The following EXOC4 variants were observed in gnomAD, a reference collection of about 807,000 sequenced individuals.
EXOC4 encodes the protein SEC8-like 1.
EXOC4 carries 71 observed loss-of-function variants against 107.2 expected under a neutral mutation model. The observed-to-expected ratio is 0.66, with a 90% CI of 0.55 to 0.81. The LOEUF (loss-of-function observed/expected upper bound fraction) is 0.81. EXOC4 is among the 30% of genes least tolerant of loss of function. The probability of loss-of-function intolerance (pLI) is 0.00; values close to 1 mark genes in which losing one functional copy is unlikely to be tolerated. For synonymous variants in EXOC4, 456 were observed against 441.2 expected (o/e 1.03, Z -0.42); for missense variants, 1,108 against 1,189.6 (o/e 0.93, Z 1.01).
At chr7:133,496,825 G>T (rs1285252626) in intron 9 of EXOC4, among the ~76,000 whole-genome samples, 1 of 152,054 alleles carries the variant, frequency 6.6e-6, no homozygotes, top group African/African-American at 2.4e-5. Context: ...CACTCTCGGG[G>T]TTAGTTTTTT....
At chr7:133,990,729 C>T (rs1794234647) in intron 14 of EXOC4, among the ~76,000 whole-genome samples, 1 of 152,198 alleles carries the variant, frequency 6.6e-6, no homozygotes, top group South Asian at 2.1e-4. Context: ...GCTGGGATTA[C>T]AGGCATGAGC....
chr7:133,264,381 A>G (rs746058954), intron 1 of EXOC4, among the ~76,000 whole-genome samples: 4 of 152,298 alleles, frequency 2.6e-5, no homozygotes, highest in East Asian at 3.9e-4. Context: ...TACTAAATAC[A>G]TCTCTTTGTA....
intron 7 of EXOC4, among the ~76,000 whole-genome samples, chr7:133,406,009 G>A (rs923828278): frequency 2.0e-5 from 3 of 152,220 alleles, no homozygotes; most frequent in Admixed American, 6.5e-5. Context: ...TGATCTGAAA[G>A]ATAAACTATG....
intron 7 of EXOC4, among the ~76,000 whole-genome samples, chr7:133,392,813 G>A (rs1260707579): frequency 6.6e-6 from 1 of 152,128 alleles, no homozygotes; most frequent in Non-Finnish European, 1.5e-5. Context: ...ATTACAAATG[G>A]TCTGTATTTC....
intron 9 of EXOC4, among the ~76,000 whole-genome samples, chr7:133,499,773 C>T (rs1233489259): frequency 2.0e-5 from 3 of 152,084 alleles, no homozygotes; most frequent in Non-Finnish European, 4.4e-5. Context: ...TTTTCTCTTG[C>T]TCATGCCATG....
At chr7:133,719,829 T>G (rs993698112) in intron 10 of EXOC4, among the ~76,000 whole-genome samples, 1 of 152,168 alleles carries the variant, frequency 6.6e-6, no homozygotes, top group Non-Finnish European at 1.5e-5. Flanking sequence ...TATAAAAGAT[T>G]GCAGTGTCTT....
intron 5 of EXOC4, among the ~76,000 whole-genome samples, chr7:133,348,423 C>A (rs1308548171): frequency 6.6e-6 from 1 of 152,090 alleles, no homozygotes; most frequent in Non-Finnish European, 1.5e-5. Flanking sequence ...ATGTAAGTGG[C>A]TACATGTGAC....
Position 133,923,286 on chromosome 7 carries a change from G to T in EXOC4, c.2027+5548G>T, listed in dbSNP as rs183662791. Among the ~76,000 whole-genome samples, 354 of 151,906 alleles carry T rather than the reference G, an allele frequency of 2.3e-3. 3 individuals carry two copies. Among genetic ancestry groups the T allele is most frequent in the South Asian group, 0.013 (63 of 4,792 alleles). On this transcript the variant is annotated intron_variant, in intron 13 of 17. Transcript: ENST00000253861. ...TGGGATTACAGGCACCCACCACAAC[G>T]CCTGGCTGATTTTTGTATTTTTAGT...
At chr7:133,554,935 T>A (rs928299740) in intron 9 of EXOC4, among the ~76,000 whole-genome samples, 3 of 152,184 alleles carry the variant, frequency 2.0e-5, no homozygotes, top group Non-Finnish European at 4.4e-5. Context: ...TTGTTTCCCT[T>A]AGGTATAGCA....
intron 5 of EXOC4, among the ~76,000 whole-genome samples, chr7:133,317,776 G>A (rs1795025162): frequency 6.6e-6 from 1 of 151,980 alleles, no homozygotes; most frequent in Non-Finnish European, 1.5e-5. Flanking sequence ...CTGCCTCCTG[G>A]GTTCAAGGGA....
chr7:133,570,189 T>G (rs1049584310), intron 9 of EXOC4, among the ~76,000 whole-genome samples: 1 of 152,190 alleles, frequency 6.6e-6, no homozygotes, highest in African/African-American at 2.4e-5. Flanking sequence ...ATAGATGACC[T>G]CATGCATTTA....
intron 15 of EXOC4, among the ~76,000 whole-genome samples, chr7:133,999,874 C>A (rs1265792102): frequency 6.6e-6 from 1 of 152,168 alleles, no homozygotes; most frequent in Non-Finnish European, 1.5e-5. Flanking sequence ...CTTGGCAATA[C>A]TCTTCTTAAT....
chr7:133,562,922 TAGAA>T (rs1210591120), intron 9 of EXOC4, among the ~76,000 whole-genome samples: 4 of 152,170 alleles, frequency 2.6e-5, no homozygotes, highest in Non-Finnish European at 4.4e-5. Context: ...ATTTTAATAA[TAGAA>T]AGACTCATTA....
At chr7:133,602,683 G>C (rs1801836835) in intron 9 of EXOC4, among the ~76,000 whole-genome samples, 1 of 152,192 alleles carries the variant, frequency 6.6e-6, no homozygotes, top group South Asian at 2.1e-4. Context: ...CCTTCTAAAA[G>C]AGATTATGGA....
chr7:133,971,176 A>G (rs1655132727), intron 14 of EXOC4, among the ~76,000 whole-genome samples: 1 of 151,814 alleles, frequency 6.6e-6, no homozygotes, highest in South Asian at 2.1e-4. Flanking sequence ...AAATGGAGGA[A>G]AACCTAATCA....
chr7:133,889,417 T>A (rs564893969), intron 11 of EXOC4, among the ~76,000 whole-genome samples: 1 of 148,094 alleles, frequency 6.8e-6, no homozygotes, highest in Admixed American at 6.7e-5. Flanking sequence ...ATTATTACTA[T>A]TATTATTATT....
chr7:133,290,076 A>G (rs1439917718), intron 3 of EXOC4, among the ~76,000 whole-genome samples: 1 of 152,250 alleles, frequency 6.6e-6, no homozygotes, highest in Non-Finnish European at 1.5e-5. Context: ...AAAGTCCTTC[A>G]TAAGAAGCTT....
At chr7:133,867,930 T>C (rs1441630848) in intron 11 of EXOC4, among the ~76,000 whole-genome samples, 1 of 152,250 alleles carries the variant, frequency 6.6e-6, no homozygotes, top group African/African-American at 2.4e-5. Context: ...TATGTGCTAA[T>C]GGCCTTCTCT....
At chr7:133,294,430 G>A (rs1221655854) in intron 3 of EXOC4, among the ~76,000 whole-genome samples, 1 of 152,102 alleles carries the variant, frequency 6.6e-6, no homozygotes, top group Non-Finnish European at 1.5e-5. Context: ...TAGTTTTGAA[G>A]CACTTTAGCT....
Sources: allele counts gnomAD v4.1 joint callset (sites outside exome capture counted in the v4.1 genomes callset), GRCh38; gene constraint gnomAD v4.1.1; transcripts MANE v1.5; gene names NCBI Gene and HGNC (gene_info 2026-07-23, HGNC 2026-07-21).